The following CHCHD5 variants were observed in gnomAD, a reference collection of about 807,000 sequenced individuals.
The protein encoded by CHCHD5 is coiled-coil-helix-coiled-coil-helix domain containing 5, also known as coiled-coil-helix-coiled-coil-helix domain-containing protein 5.
A neutral mutation model predicts 16.0 loss-of-function variants in CHCHD5; 10 were observed. The observed-to-expected ratio is 0.63, with a 90% CI of 0.39 to 1.06. The LOEUF is 1.06. Ranked by LOEUF, CHCHD5 falls within the 50% of genes least tolerant of loss-of-function variation. The pLI is 0.01. For missense variants in CHCHD5, 163 were observed against 153.4 expected, an observed-to-expected ratio of 1.06 and a Z score of -0.33; for synonymous variants, 55 against 56.3, an observed-to-expected ratio of 0.98 and a Z score of 0.10.
rs1685305221 is a variant in CHCHD5, at chr2:112,588,963, G to T, written c.*74G>T. ...CCCCTCCCCTGCAGAGTGGCCAGAT[G>T]GAGTCCTGAGCCCTGGACATGGGCC... On this transcript the variant is annotated 3_prime_UTR_variant, in exon 4 of 4. Coordinates refer to ENST00000324913, the MANE Select transcript of CHCHD5 (RefSeq NM_032309.4). 1 of 1,127,592 alleles carries T rather than the reference G, an allele frequency of 8.9e-7. No homozygotes were observed. The highest frequency in any genetic ancestry group is 1.8e-5 in the Admixed American group (1 of 57,004). The allele number at this position is 1,127,592 out of a possible 1,614,324, so 69.8% of individuals were successfully genotyped here. A position where few individuals can be genotyped will look rare whatever the true frequency, so the allele number is the denominator to read the frequency against.
At chr2:112,585,023 A>G (rs1459657470) in intron 1 of CHCHD5, 4 of 280,906 alleles carry the variant, frequency 1.4e-5, no homozygotes, top group East Asian at 1.3e-4. Flanking sequence ...TTGATCACCA[A>G]ACTTTACCTT....
At chr2:112,585,895 C>CT in intron 1 of CHCHD5, 79 bp from the exon 2 acceptor site, 1 of 1,510,408 alleles carries the variant, frequency 6.6e-7, no homozygotes, top group Non-Finnish European at 8.9e-7. Flanking sequence ...GACCCTGTCT[C>CT]TAAAAAATAA....
At chr2:112,585,567 G>A (rs576571953) in intron 1 of CHCHD5, among the ~76,000 whole-genome samples, 2 of 152,248 alleles carry the variant, frequency 1.3e-5, no homozygotes, top group South Asian at 4.1e-4. Flanking sequence ...TCCCACATCT[G>A]CCCTGAACTC....
At chr2:112,586,997 G>A (rs1237245801) in intron 3 of CHCHD5, 1 of 164,470 alleles carries the variant, frequency 6.1e-6, no homozygotes, top group East Asian at 1.7e-4. Context: ...GAAAAAGGTT[G>A]AAAAATGCTC....
chr2:112,588,791 C>G, intron 3 of CHCHD5, 75 bp from the exon 4 acceptor site: 2 of 1,155,636 alleles, frequency 1.7e-6, no homozygotes, highest in Non-Finnish European at 2.6e-6. Context: ...GGGTCTCCCT[C>G]TGTGGTGTCT....
intron 3 of CHCHD5, chr2:112,586,609 TC>T: frequency 6.7e-7 from 1 of 1,483,786 alleles, no homozygotes. Context: ...TGGTCTCCCT[TC>T]CTCCCTCTTT....
upstream of CHCHD5, chr2:112,584,510 A>T: frequency 1.9e-6 from 2 of 1,064,220 alleles, no homozygotes; most frequent in Non-Finnish European, 1.4e-6. Flanking sequence ...GTGACAGATT[A>T]GTCCTAAAGG....
intron 1 of CHCHD5, 162 bp downstream of exon 1, chr2:112,584,811 C>A: frequency 1.2e-6 from 1 of 805,542 alleles, no homozygotes. Flanking sequence ...TCCAACCCTC[C>A]GCATGCCCAA....
At position 112,589,010 on chromosome 2, in the gene CHCHD5, C is replaced by T; in HGVS notation, c.*121C>T. ...GGCCCGGCTTTCCTGGATATCAGGA[C>T]TTCCAATAAATAAAGACTCTGTATA... On this transcript the variant is annotated 3_prime_UTR_variant, in exon 4 of 4. Transcript: ENST00000324913. The T allele has an allele frequency of 1.4e-6, 1 of 715,192 alleles. No homozygotes were observed. Among genetic ancestry groups the T allele is most frequent in the Admixed American group, 2.3e-5 (1 of 43,844 alleles). 44.3% of individuals were successfully genotyped at this position (715,192 alleles called of 1,614,324 possible). A position where few individuals can be genotyped will look rare whatever the true frequency, so the allele number is the denominator to read the frequency against.
chr2:112,586,482 C>A (rs1390401150), intron 3 of CHCHD5, 117 bp downstream of exon 3: 1 of 1,561,248 alleles, frequency 6.4e-7, no homozygotes, highest in Admixed American at 1.9e-5. Flanking sequence ...ACCACACAGG[C>A]CTTTGCCATG....
At position 112,586,228 on chromosome 2, in the gene CHCHD5, T is replaced by C. The variant is rs1043049648; in HGVS notation, c.172T>C (p.Cys58Arg). 4 of 1,612,490 alleles carry C rather than the reference T, an allele frequency of 2.5e-6. No homozygotes were observed. In the African/African-American group the frequency reaches 4.0e-5, roughly 16 times the overall value. The change falls in exon 3 of 4, where the codon TGT becomes CGT. Residue 58 changes from cysteine (C) to arginine (R), a missense_variant. Cys to Arg is a radical substitution (Grantham distance 180). Coordinates refer to ENST00000324913, the MANE Select transcript of CHCHD5 (RefSeq NM_032309.4). The stretch of plus-strand genomic sequence containing the variant: ...AATCATCCGCCAGATCCGCCAGGCC[T>C]GTGCTCAGCCTTTTGAGGCCTTCGA... ...HPIIRQIRQA[C>R]AQPFEAFEEC...
chr2:112,588,720 C>T, intron 3 of CHCHD5, 146 bp from the exon 4 acceptor site: 1 of 627,472 alleles, frequency 1.6e-6, no homozygotes, highest in Non-Finnish European at 2.8e-6. Context: ...GACTTTTTCA[C>T]ATGGCTCAGG....
In CHCHD5 at chr2:112,586,667, C is replaced by A. The variant is rs1685237067; in HGVS notation, c.309+302C>A. 6.6e-6 allele frequency: 9 copies of A among 1,367,690 alleles called. No individual in the cohort carries two copies. In the South Asian group the frequency reaches 1.4e-4, roughly 21 times the overall value. 84.7% of individuals were successfully genotyped at this position (1,367,690 alleles called of 1,614,324 possible). A position where few individuals can be genotyped will look rare whatever the true frequency, so the allele number is the denominator to read the frequency against. ...TGGGTGAGCATGTAAGGACTGAAAT[C>A]TGGTCTCATCACACCTATGCTTAAA... On this transcript the variant is annotated intron_variant, in intron 3 of 3. Transcript: ENST00000324913.
chr2:112,586,651 A>C, intron 3 of CHCHD5: 2 of 1,431,190 alleles, frequency 1.4e-6, no homozygotes. Context: ...CTGGGTGAGC[A>C]TGTAAGGACT....
Position 112,588,688 on chromosome 2 carries a change from CCCATGACACTTCA to C in CHCHD5, c.310-174_310-162del. The C allele has an allele frequency of 3.3e-5, 19 of 579,554 alleles. No individual in the cohort carries two copies. The South Asian group carries it at 4.0e-4, about 12-fold the overall frequency. 35.9% of individuals were successfully genotyped at this position (579,554 alleles called of 1,614,324 possible). A position where few individuals can be genotyped will look rare whatever the true frequency, so the allele number is the denominator to read the frequency against. On this transcript the variant is annotated intron_variant, in intron 3 of 3. Transcript: ENST00000324913. The stretch of plus-strand genomic sequence containing the variant: ...TAGCAGAATGGCGCGTTCCCTGCCT[CCCATGACACTTCA>C]CCACAGCTGACTTTTTCACATGGCT...
chr2:112,587,691 A>C (rs2104605772), intron 3 of CHCHD5: 1 of 152,278 alleles, frequency 6.6e-6, no homozygotes, highest in Non-Finnish European at 1.5e-5. Flanking sequence ...TTGTTTCTGT[A>C]AGGCAAGGAT....
chr2:112,584,475 C>G (rs1685137722), upstream of CHCHD5: 4 of 731,950 alleles, frequency 5.5e-6, no homozygotes, highest in Non-Finnish European at 4.7e-6. Flanking sequence ...ACGAGCCGGG[C>G]CGGAAGAAGA....
chr2:112,584,576 C>T (rs1235152118), upstream of CHCHD5: 93 of 1,605,898 alleles, frequency 5.8e-5, no homozygotes, highest in Non-Finnish European at 7.1e-5. Flanking sequence ...GGCTGGGCGC[C>T]GCCATGACAA....
intron 3 of CHCHD5, 77 bp from the exon 4 acceptor site, chr2:112,588,789 C>G: frequency 8.7e-7 from 1 of 1,144,068 alleles, no homozygotes; most frequent in Non-Finnish European, 1.3e-6. Context: ...CAGGGTCTCC[C>G]TCTGTGGTGT....
Sources: gnomAD v4.1 joint callset for allele counts (sites outside exome capture counted in the v4.1 genomes callset) on GRCh38, gnomAD v4.1.1 for gene constraint, MANE v1.5 for transcripts, NCBI Gene and HGNC (gene_info 2026-07-23, HGNC 2026-07-21) for gene names.